Variants in ARHGEF3 observed in about 807,000 individuals in gnomAD.
ARHGEF3 encodes the protein 59.8 kDA protein.
Under a neutral mutation model 63.2 loss-of-function variants are expected in ARHGEF3, and 28 were observed. That is an observed-to-expected ratio of 0.44 (90% confidence interval 0.33 to 0.61). ARHGEF3 has a LOEUF of 0.61. ARHGEF3 is among the 20% of genes least tolerant of loss of function. The pLI, the probability that ARHGEF3 is intolerant of heterozygous loss-of-function variation, is 0.03. For synonymous variants in ARHGEF3, 266 were observed against 254.2 expected, an observed-to-expected ratio of 1.05 and a Z score of -0.44; for missense variants, 533 against 659.3, an observed-to-expected ratio of 0.81 and a Z score of 2.10.
intron 1 of ARHGEF3, among the ~76,000 whole-genome samples, chr3:56,778,602 G>A (rs112630261): frequency 1.4e-3 from 214 of 152,284 alleles, no homozygotes; most frequent in African/African-American, 4.6e-3. Flanking sequence ...GCACGATCAC[G>A]ACTCACGGCA....
intron 4 of ARHGEF3, among the ~76,000 whole-genome samples, chr3:56,831,617 A>G (rs944388987): frequency 2.6e-5 from 4 of 152,032 alleles, no homozygotes; most frequent in East Asian, 1.9e-4. Context: ...TCTTGGCTAC[A>G]GTTTGCTGGC....
At chr3:57,032,169 C>G (rs1035003687) in intron 2 of ARHGEF3, among the ~76,000 whole-genome samples, 3 of 152,152 alleles carry the variant, frequency 2.0e-5, no homozygotes, top group African/African-American at 7.2e-5. Context: ...ATCCCCATGA[C>G]AAATATGCTC....
chr3:56,976,288 C>T (rs1166503312), intron 2 of ARHGEF3, among the ~76,000 whole-genome samples: 7 of 152,276 alleles, frequency 4.6e-5, no homozygotes, highest in Admixed American at 1.3e-4. Flanking sequence ...AGTGATCTGC[C>T]GGCCTCGGCC....
At chr3:56,812,543 C>T (rs1356476619) in intron 4 of ARHGEF3, among the ~76,000 whole-genome samples, 1 of 152,186 alleles carries the variant, frequency 6.6e-6, no homozygotes, top group Non-Finnish European at 1.5e-5. Flanking sequence ...CTTTCATTCC[C>T]TTCTCTAGGT....
chr3:56,980,885 T>A (rs1579013576), intron 2 of ARHGEF3, among the ~76,000 whole-genome samples: 1 of 152,354 alleles, frequency 6.6e-6, no homozygotes, highest in East Asian at 1.9e-4. Context: ...CTGACTGCAC[T>A]ACCCACCTCA....
chr3:56,766,908 G>C (rs914974045), intron 2 of ARHGEF3, among the ~76,000 whole-genome samples: 1 of 152,186 alleles, frequency 6.6e-6, no homozygotes, highest in African/African-American at 2.4e-5. Flanking sequence ...GATGTTGAAA[G>C]CACTGTTATC....
At chr3:56,857,945 A>G (rs920638626) in intron 4 of ARHGEF3, among the ~76,000 whole-genome samples, 2 of 152,054 alleles carry the variant, frequency 1.3e-5, no homozygotes, top group African/African-American at 4.8e-5. Context: ...CTGACCTACA[A>G]ATTACATTTT....
rs375351855 is a variant in ARHGEF3 at position 57,013,225 on chromosome 3, C to T, written c.62+21863G>A. On this transcript the variant is annotated intron_variant, in intron 2 of 12. Coordinates refer to the ARHGEF3 transcript ENST00000338458. ...CCCTGCTCCATGGTGCCCATCCCAT[C>T]GACGGCCCAAGGGCTGAGGAGTACA... 3.1e-4 allele frequency among the ~76,000 whole-genome samples: 47 copies of T among 152,314 alleles called. No individual in the cohort carries two copies. The East Asian group carries it at 7.0e-3, about 23-fold the overall frequency.
At chr3:56,809,575 C>G (rs2107998880) in intron 4 of ARHGEF3, among the ~76,000 whole-genome samples, 1 of 152,160 alleles carries the variant, frequency 6.6e-6, no homozygotes, top group Admixed American at 6.5e-5. Flanking sequence ...TAACTATCAG[C>G]AGGCTTGTTC....
At chr3:56,733,551 A>G (rs961367833) in intron 8 of ARHGEF3, among the ~76,000 whole-genome samples, 7 of 152,174 alleles carry the variant, frequency 4.6e-5, no homozygotes, top group Non-Finnish European at 8.8e-5. Context: ...ATCAAAGCTA[A>G]TATTAATCTT....
At chr3:56,993,126 C>T (rs1246032953) in intron 2 of ARHGEF3, among the ~76,000 whole-genome samples, 3 of 152,006 alleles carry the variant, frequency 2.0e-5, no homozygotes, top group East Asian at 1.9e-4. Flanking sequence ...TGAGCTACCG[C>T]GCCTGGCCTC....
Position 57,002,475 on chromosome 3 carries a change from T to TATATAG in ARHGEF3, c.62+32612_62+32613insCTATAT, listed in dbSNP as rs1702246776. 1.8e-4 allele frequency among the ~76,000 whole-genome samples: 2 copies of TATATAG among 10,870 alleles called. 1 individual carries two copies. The highest frequency in any genetic ancestry group is 3.7e-4 in the Non-Finnish European group (2 of 5,410). 7.1% of individuals were successfully genotyped at this position (10,870 alleles called of 152,430 possible). Reference sequence around the variant, plus strand: ...CTGTTCTAAGCACTATATATATATATATGTTATATATATATATATATGTTA... The same window carrying TATATAG: ...CTGTTCTAAGCACTATATATATATATATATAGATGTTATATATATATATATATGTTA... On this transcript the variant is annotated intron_variant, in intron 2 of 12. Transcript: ENST00000338458.
chr3:56,824,971 G>A (rs2038658055), intron 4 of ARHGEF3, among the ~76,000 whole-genome samples: 1 of 152,202 alleles, frequency 6.6e-6, no homozygotes, highest in African/African-American at 2.4e-5. Context: ...ACAAGGTCAG[G>A]GTGACACAAG....
At chr3:56,992,553 T>A (rs563483005) in intron 2 of ARHGEF3, among the ~76,000 whole-genome samples, 51 of 152,106 alleles carry the variant, frequency 3.4e-4, no homozygotes, top group Non-Finnish European at 6.5e-4. Flanking sequence ...ATGGGAGAAC[T>A]ATGTTTCCTG....
chr3:56,977,053 C>T (rs1234349962), intron 2 of ARHGEF3, among the ~76,000 whole-genome samples: 1 of 152,144 alleles, frequency 6.6e-6, no homozygotes. Flanking sequence ...TCACAGGGGC[C>T]CTGTGGAATA....
intron 1 of ARHGEF3, among the ~76,000 whole-genome samples, chr3:56,779,962 G>A (rs751856402): frequency 5.3e-5 from 8 of 152,190 alleles, no homozygotes; most frequent in Non-Finnish European, 8.8e-5. Context: ...GGTGCTGGGC[G>A]AAGAGCTTTA....
At chr3:56,845,187 C>A (rs2039446615) in intron 4 of ARHGEF3, among the ~76,000 whole-genome samples, 1 of 152,218 alleles carries the variant, frequency 6.6e-6, no homozygotes, top group African/African-American at 2.4e-5. Flanking sequence ...CCCAGTCAAA[C>A]CTCAGATGAG....
At chr3:56,734,282 G>A (rs542778494) in intron 8 of ARHGEF3, among the ~76,000 whole-genome samples, 66 of 152,256 alleles carry the variant, frequency 4.3e-4, no homozygotes, top group African/African-American at 1.6e-3. Context: ...TAGCTTTCTG[G>A]TGGAAATATT....
At chr3:56,753,441 T>G in intron 4 of ARHGEF3, 63 bp downstream of exon 4, 1 of 1,421,656 alleles carries the variant, frequency 7.0e-7, no homozygotes, top group African/African-American at 1.4e-5. Context: ...CACTTTAGGG[T>G]TGTGAAATTA....
Sources: allele counts gnomAD v4.1 joint callset (sites outside exome capture counted in the v4.1 genomes callset), GRCh38; gene constraint gnomAD v4.1.1; transcripts MANE v1.5; gene names NCBI Gene and HGNC (gene_info 2026-07-23, HGNC 2026-07-21).